Variants in KIAA1328 observed in about 807,000 individuals in gnomAD.
KIAA1328 encodes KIAA1328, also known as protein hinderin.
Under a neutral mutation model 68.1 loss-of-function variants are expected in KIAA1328, and 52 were observed. The observed-to-expected ratio is 0.76, with a 90% CI of 0.61 to 0.96. KIAA1328 has a LOEUF of 0.96. Among genes scored for constraint, KIAA1328 ranks in the 40% least tolerant of loss-of-function variants. The pLI, the probability that KIAA1328 is intolerant of heterozygous loss-of-function variation, is 0.00. For synonymous variants in KIAA1328, 232 were observed against 239.4 expected (o/e 0.97, Z 0.28); for missense variants, 641 against 677.6 (o/e 0.95, Z 0.60).
At chr18:37,094,075 A>G (rs1016042831) in intron 7 of KIAA1328, among the ~76,000 whole-genome samples, 1 of 152,234 alleles carries the variant, frequency 6.6e-6, no homozygotes, top group Non-Finnish European at 1.5e-5. Context: ...GTTTCACCTT[A>G]GATCATCAGG....
chr18:37,215,530 C>T (rs773851111), intron 9 of KIAA1328, among the ~76,000 whole-genome samples: 40 of 152,196 alleles, frequency 2.6e-4, no homozygotes, highest in African/African-American at 9.1e-4. Flanking sequence ...CTTTTTGATG[C>T]GCTGCTGGAT....
At chr18:37,196,849 G>C (rs1387234558) in intron 9 of KIAA1328, among the ~76,000 whole-genome samples, 1 of 152,016 alleles carries the variant, frequency 6.6e-6, no homozygotes, top group Non-Finnish European at 1.5e-5. Context: ...GAGTAGAATT[G>C]ATATTAGTTC....
At chr18:36,917,020 A>G (rs2049731440) in intron 5 of KIAA1328, among the ~76,000 whole-genome samples, 1 of 152,134 alleles carries the variant, frequency 6.6e-6, no homozygotes, top group Admixed American at 6.6e-5. Context: ...AAAACAAAAA[A>G]AATCTTAGCA....
intron 6 of KIAA1328, among the ~76,000 whole-genome samples, chr18:36,966,561 A>G (rs1439052850): frequency 6.6e-6 from 1 of 152,190 alleles, no homozygotes; most frequent in African/African-American, 2.4e-5. Context: ...TTTATAAATA[A>G]CATCATCCTG....
chr18:37,217,977 G>A (rs985370477), intron 9 of KIAA1328, among the ~76,000 whole-genome samples: 5 of 152,114 alleles, frequency 3.3e-5, no homozygotes, highest in African/African-American at 1.2e-4. Flanking sequence ...TATTTAAGCC[G>A]GCGGCCAAAG....
chr18:36,846,031 G>T (rs1032809022), intron 4 of KIAA1328, among the ~76,000 whole-genome samples: 1 of 151,502 alleles, frequency 6.6e-6, no homozygotes, highest in East Asian at 1.9e-4. Context: ...AAGTATATGG[G>T]AATCATTTGT....
rs1315416806 is a variant in KIAA1328 at position 36,905,364 on chromosome 18, G to A, written c.448+19692G>A. On this transcript the variant is annotated intron_variant, in intron 5 of 9. Coordinates refer to ENST00000280020, the MANE Select transcript of KIAA1328 (RefSeq NM_020776.3). ...TGACCTCAAGTGATTTGCCTGCTTC[G>A]GTCTCCTGAAGTGCTGGGATTACAG... 3.3e-5 allele frequency among the ~76,000 whole-genome samples: 5 copies of A among 151,830 alleles called. 1 individual carries two copies. Among genetic ancestry groups the A allele is most frequent in the South Asian group, 2.1e-4 (1 of 4,816 alleles).
At chr18:36,977,740 T>C (rs1002937005) in intron 6 of KIAA1328, among the ~76,000 whole-genome samples, 6 of 152,152 alleles carry the variant, frequency 3.9e-5, no homozygotes, top group Admixed American at 2.0e-4. Context: ...CAGAAGGCTC[T>C]GCATATAGTC....
chr18:36,901,220 A>C (rs1167660379), intron 5 of KIAA1328, among the ~76,000 whole-genome samples: 1 of 152,006 alleles, frequency 6.6e-6, no homozygotes, highest in Non-Finnish European at 1.5e-5. Flanking sequence ...CCTGATTGTA[A>C]TACCTTATGG....
In KIAA1328 at chr18:37,202,753, A is replaced by T. The variant is rs1003081830; in HGVS notation, c.1524-19264A>T. 2.6e-5 allele frequency among the ~76,000 whole-genome samples: 4 copies of T among 152,168 alleles called. No individual in the cohort carries two copies. In the East Asian group the frequency reaches 7.7e-4, roughly 29 times the overall value. On this transcript the variant is annotated intron_variant, in intron 9 of 9. Transcript: ENST00000280020. ...TGGAATGCATATTAATAACATATTT[A>T]TATAAATATGACTCAAGGTTAAACA...
chr18:36,991,286 T>C (rs2053167720), intron 6 of KIAA1328, among the ~76,000 whole-genome samples: 1 of 152,226 alleles, frequency 6.6e-6, no homozygotes, highest in African/African-American at 2.4e-5. Context: ...CATGGTTTAA[T>C]CATTTCATTA....
At chr18:37,047,003 A>C (rs1247306747) in intron 6 of KIAA1328, among the ~76,000 whole-genome samples, 1 of 152,160 alleles carries the variant, frequency 6.6e-6, no homozygotes, top group African/African-American at 2.4e-5. Flanking sequence ...GTGATGGCAC[A>C]TGCCTGTAGT....
intron 7 of KIAA1328, among the ~76,000 whole-genome samples, chr18:37,112,979 A>T (rs1198301043): frequency 6.6e-6 from 1 of 152,202 alleles, no homozygotes; most frequent in Non-Finnish European, 1.5e-5. Flanking sequence ...AAAAGAAATG[A>T]AAAAAGCCTC....
At chr18:36,855,222 G>C (rs1362065258) in intron 4 of KIAA1328, among the ~76,000 whole-genome samples, 4 of 152,248 alleles carry the variant, frequency 2.6e-5, no homozygotes, top group African/African-American at 9.6e-5. Context: ...AGTTTGTGAA[G>C]AGCTGTGAAA....
At chr18:36,876,899 T>C (rs560786496) in intron 4 of KIAA1328, among the ~76,000 whole-genome samples, 1 of 152,290 alleles carries the variant, frequency 6.6e-6, no homozygotes, top group East Asian at 1.9e-4. Flanking sequence ...TGGTTTCAAA[T>C]AACTTATTTA....
At chr18:37,140,177 G>A (rs1457667252) in intron 7 of KIAA1328, among the ~76,000 whole-genome samples, 1 of 151,976 alleles carries the variant, frequency 6.6e-6, no homozygotes, top group Non-Finnish European at 1.5e-5. Context: ...GTCTAGGCTA[G>A]ATTTTTTTTT....
intron 7 of KIAA1328, among the ~76,000 whole-genome samples, chr18:37,091,359 G>GA (rs1425467043): frequency 1.3e-5 from 2 of 152,018 alleles, no homozygotes; most frequent in Non-Finnish European, 2.9e-5. Flanking sequence ...TCCTCATTGG[G>GA]AAAAAAAGTG....
At position 37,222,662 on chromosome 18, in the gene KIAA1328, A is replaced by G; in HGVS notation, c.*435A>G. ...CTTTGAAACATAAGCAGTTTCAGAAAGGCAGACTCTCTCATCTTTCTCATC... is the reference window on the plus strand; with the variant it reads ...CTTTGAAACATAAGCAGTTTCAGAAGGGCAGACTCTCTCATCTTTCTCATC... On this transcript the variant is annotated 3_prime_UTR_variant, in exon 10 of 10. Coordinates refer to ENST00000280020, the MANE Select transcript of KIAA1328 (RefSeq NM_020776.3). The G allele has an allele frequency of 2.0e-6, 2 of 1,017,384 alleles. No individual in the cohort carries two copies. Among genetic ancestry groups the G allele is most frequent in the Non-Finnish European group, 2.4e-6 (2 of 849,914 alleles). 63.0% of individuals were successfully genotyped at this position (1,017,384 alleles called of 1,614,324 possible).
At chr18:36,998,339 A>C (rs1305865397) in intron 6 of KIAA1328, among the ~76,000 whole-genome samples, 2 of 152,246 alleles carry the variant, frequency 1.3e-5, no homozygotes, top group African/African-American at 4.8e-5. Context: ...TTCAGTCACC[A>C]CCAACATTGA....
Sources: allele counts gnomAD v4.1 joint callset (sites outside exome capture counted in the v4.1 genomes callset), GRCh38; gene constraint gnomAD v4.1.1; transcripts MANE v1.5; gene names NCBI Gene and HGNC (gene_info 2026-07-23, HGNC 2026-07-21).